The following STAT2 variants were observed in gnomAD, a reference collection of about 807,000 sequenced individuals.
The protein encoded by STAT2 is interferon alpha induced transcriptional activator.
STAT2 carries 51 observed loss-of-function variants against 122.3 expected under a neutral mutation model. The ratio of observed to expected loss-of-function variants is 0.42; its 90% CI spans 0.33 to 0.53. STAT2 has a LOEUF of 0.53. Among genes scored for constraint, STAT2 ranks in the 20% least tolerant of loss-of-function variants. The pLI, the probability that STAT2 is intolerant of heterozygous loss-of-function variation, is 0.10. For missense variants in STAT2, 736 were observed against 1,010.3 expected (o/e 0.73, Z 3.68); for synonymous variants, 351 against 394.9 (o/e 0.89, Z 1.32).
rs1051291753 is a variant in STAT2, at chr12:56,343,089, C to T, written c.*300G>A. On this transcript the variant is annotated 3_prime_UTR_variant, in exon 24 of 24. Transcript: ENST00000314128. ...AAAGAAGCCACTGCCCTGAGCCCTC[C>T]AAGTACCTGTCAACTGCCCTGGCCT... is the stretch of plus-strand genomic sequence containing the variant. 9.6e-6 allele frequency: 3 copies of T among 311,886 alleles called. No individual in the cohort carries two copies. The highest frequency in any genetic ancestry group is 6.3e-5 in the African/African-American group (3 of 47,308). The allele number at this position is 311,886 out of a possible 1,614,324, so 19.3% of individuals were successfully genotyped here.
intron 13 of STAT2, 110 bp downstream of exon 13, chr12:56,349,987 T>C: frequency 1.0e-6 from 1 of 962,528 alleles, no homozygotes; most frequent in Non-Finnish European, 1.6e-6. Context: ...AGGCGGAGGT[T>C]GCTGTGAGCC....
intron 1 of STAT2, among the ~76,000 whole-genome samples, chr12:56,357,819 C>A (rs1323226232): frequency 6.7e-6 from 1 of 150,054 alleles, no homozygotes; most frequent in Non-Finnish European, 1.5e-5. Flanking sequence ...TCAAGCCATT[C>A]TCTGCCTCAG....
At chr12:56,350,547 G>T in intron 11 of STAT2, 115 bp from the exon 12 acceptor site, 1 of 951,328 alleles carries the variant, frequency 1.1e-6, no homozygotes. Context: ...CACTAGCTAT[G>T]TGGCCTTGAG....
At chr12:56,355,905 CG>C (rs1404840161) in intron 3 of STAT2, 102 bp from the exon 4 acceptor site, 105 of 1,353,876 alleles carry the variant, frequency 7.8e-5, no homozygotes, top group Non-Finnish European at 1.1e-4. Context: ...CCTCCTCCTT[CG>C]GGGTTCTTAG....
chr12:56,356,635 T>C, intron 1 of STAT2, 57 bp from the exon 2 acceptor site: 1 of 1,589,924 alleles, frequency 6.3e-7, no homozygotes. Context: ...AAATCATCCA[T>C]AGTTTCATGA....
chr12:56,347,341 C>T (rs1270133780), intron 19 of STAT2, among the ~76,000 whole-genome samples: 1 of 151,996 alleles, frequency 6.6e-6, no homozygotes, highest in Non-Finnish European at 1.5e-5. Flanking sequence ...CAGGTGCACA[C>T]CACCATGCCT....
intron 5 of STAT2, 26 bp from the exon 6 acceptor site, chr12:56,355,377 A>G (rs779401194): frequency 1.9e-6 from 3 of 1,614,022 alleles, no homozygotes; most frequent in Non-Finnish European, 2.5e-6. Context: ...GACCCCGATG[A>G]GGCTGCTTCT....
Position 56,346,477 on chromosome 12 carries a change from C to A in STAT2, c.2009G>T (p.Arg670Leu). The A allele has an allele frequency of 6.2e-7, 1 of 1,614,158 alleles. No individual in the cohort carries two copies. Among genetic ancestry groups the A allele is most frequent in the South Asian group, 1.1e-5 (1 of 91,080 alleles). ...PLRFLYPRIP[R>L]DEAFGCYYQE... is the part of the protein sequence containing the mutation. Reference sequence around the variant, plus strand: ...GTAGTAGCACCCAAAAGCTTCATCCCGGGGGATTCGGGGATAGAGGAAGCG... The same window carrying A: ...GTAGTAGCACCCAAAAGCTTCATCCAGGGGGATTCGGGGATAGAGGAAGCG... The change falls in exon 21 of 24, where the codon CGG becomes CTG. Residue 670 changes from arginine (R) to leucine (L), a missense_variant. Transcript: ENST00000314128.
At chr12:56,352,643 CA>C (rs1193894912) in intron 8 of STAT2, among the ~76,000 whole-genome samples, 1 of 151,560 alleles carries the variant, frequency 6.6e-6, no homozygotes, top group Non-Finnish European at 1.5e-5. Context: ...GGTCCTGTAC[CA>C]TAAGTACTAT....
intron 19 of STAT2, among the ~76,000 whole-genome samples, chr12:56,348,012 AT>A (rs1371195831): frequency 6.6e-6 from 1 of 152,034 alleles, no homozygotes; most frequent in Non-Finnish European, 1.5e-5. Flanking sequence ...AGATGAGAGA[AT>A]TAATGAAGAG....
chr12:56,350,104 C>G lies in STAT2; in HGVS notation c.1202G>C (p.Gly401Ala), dbSNP rs778808895. The G allele has an allele frequency of 1.2e-6, 2 of 1,611,272 alleles. No individual in the cohort carries two copies. The highest frequency in any genetic ancestry group is 1.7e-6 in the Non-Finnish European group (2 of 1,179,068). ...GTCACAAACTATTCTTACCAGGTAA[C>G]CAAAGTCCCAAATCAAACCCTGACT... ...GQSQGLIWDF[G>A]YLTLVEQRSG... Residue 401 changes from glycine (G) to alanine (A), a missense_variant, in exon 13 of 24, where the codon GGT becomes GCT. Gly to Ala is a moderately conservative substitution (Grantham distance 60, BLOSUM62 0). Coordinates refer to ENST00000314128, the MANE Select transcript of STAT2 (RefSeq NM_005419.4).
In STAT2 at chr12:56,346,946, C is replaced by A. The variant is rs534150839; in HGVS notation, c.1734G>T (p.Met578Ile). 1 of 1,614,032 alleles carries A rather than the reference C, an allele frequency of 6.2e-7. No individual in the cohort carries two copies. The highest frequency in any genetic ancestry group is 1.1e-5 in the South Asian group (1 of 91,084). ...GCTCCTGGCTCCGACTCACAAAGCC[C>A]ATGATGCGTCTGGAGCACAGAGAGC... ...LKDLWNDGRI[M>I]GFVSRSQERR... The change falls in exon 20 of 24, where the codon ATG becomes ATT. Residue 578 changes from methionine to isoleucine, a missense_variant. Coordinates refer to ENST00000314128, the MANE Select transcript of STAT2 (RefSeq NM_005419.4).
At position 56,354,802 on chromosome 12, in the gene STAT2, G is replaced by C. The variant is rs1471492561; in HGVS notation, c.609C>G (p.Leu203=). The part of the protein sequence containing the change: ...TKEQKILQET[L]NELDKRRKEV... The stretch of plus-strand genomic sequence containing the variant: ...CCTTTCTCCTTTTGTCCAGTTCATT[G>C]AGAGTTTCCTGCAGAATCTTCTGCT... The change falls in exon 7 of 24, where the codon CTC becomes CTG. Residue 203 remains leucine, a synonymous_variant. Coordinates refer to ENST00000314128, the MANE Select transcript of STAT2 (RefSeq NM_005419.4). 1.2e-6 allele frequency: 2 copies of C among 1,614,172 alleles called. No individual in the cohort carries two copies. Among genetic ancestry groups the C allele is most frequent in the South Asian group, 2.2e-5 (2 of 91,072 alleles).
At chr12:56,350,034 G>T in intron 13 of STAT2, 63 bp downstream of exon 13, 2 of 1,427,892 alleles carry the variant, frequency 1.4e-6, no homozygotes, top group Non-Finnish European at 2.0e-6. Flanking sequence ...GGGGGACAGA[G>T]TGAGACTCCG....
intron 1 of STAT2, among the ~76,000 whole-genome samples, chr12:56,358,241 TC>T (rs770963219): frequency 4.6e-5 from 7 of 150,980 alleles, no homozygotes; most frequent in Non-Finnish European, 7.4e-5. Context: ...CTTTTTTTTT[TC>T]TTTTTTTTTT....
intron 19 of STAT2, 21 bp downstream of exon 19, chr12:56,348,508 G>A: frequency 3.7e-6 from 6 of 1,613,400 alleles, no homozygotes; most frequent in Non-Finnish European, 5.1e-6. Flanking sequence ...GCCCATGAGG[G>A]AAGGGTGACC....
Position 56,354,625 on chromosome 12 carries a change from G to GATA in STAT2, c.634-14_634-12dup. ...GGCATCCAGCACCTCCTGGGAAAGA[G>GATA]ATAATGTGAGTGTTGAGCATCTCTC... On this transcript the variant is annotated splice_polypyrimidine_tract_variant and intron_variant, in intron 7 of 23. Transcript: ENST00000314128. 1 of 1,614,148 alleles carries GATA rather than the reference G, an allele frequency of 6.2e-7. No homozygotes were observed. Among genetic ancestry groups the GATA allele is most frequent in the South Asian group, 1.1e-5 (1 of 91,084 alleles).
At chr12:56,344,180 A>C in intron 22 of STAT2, 45 bp from the exon 23 acceptor site, 2 of 1,522,194 alleles carry the variant, frequency 1.3e-6, no homozygotes, top group Non-Finnish European at 1.8e-6. Flanking sequence ...CAGTGGTTCA[A>C]ATGAAATCAG....
intron 1 of STAT2, among the ~76,000 whole-genome samples, chr12:56,359,710 TTATC>T (rs1389942783): frequency 1.3e-5 from 2 of 152,248 alleles, no homozygotes; most frequent in Non-Finnish European, 2.9e-5. Flanking sequence ...GATAATAGAT[TTATC>T]TATCTTTGTT....
Sources: allele counts gnomAD v4.1 joint callset (sites outside exome capture counted in the v4.1 genomes callset), GRCh38; gene constraint gnomAD v4.1.1; transcripts MANE v1.5; gene names NCBI Gene and HGNC (gene_info 2026-07-23, HGNC 2026-07-21).